Variants in DTNBP1 observed in about 807,000 individuals in gnomAD.
DTNBP1 encodes dystrobrevin binding protein 1.
In DTNBP1, 35 loss-of-function variants were observed where a neutral mutation model predicts 42.8. The observed-to-expected ratio is 0.82, with a 90% confidence interval of 0.63 to 1.09. The LOEUF is 1.09. Among genes scored for constraint, DTNBP1 ranks in the 50% least tolerant of loss-of-function variants. DTNBP1 has a pLI of 0.00. For missense variants in DTNBP1, 457 were observed against 424.2 expected (o/e 1.08, Z -0.68); for synonymous variants, 171 against 162.2 (o/e 1.05, Z -0.41).
In DTNBP1 at chr6:15,557,246, AT is replaced by A. The variant is rs34529397; in HGVS notation, c.512-23852del. Among the ~76,000 whole-genome samples the A allele has an allele frequency of 9.0e-3, 1,212 of 135,032 alleles. 2 individuals are homozygous for A. The highest frequency in any genetic ancestry group is 0.023 in the Middle Eastern group (6 of 262). 88.6% of individuals were successfully genotyped at this position (135,032 alleles called of 152,430 possible). A position where few individuals can be genotyped will look rare whatever the true frequency, so the allele number is the denominator to read the frequency against. ...ACTATAAGAAGGCATGGGGGTGGGA[AT>A]TTTTTTTTTTTTTTTTTTGCCTGGT... On this transcript the variant is annotated intron_variant, in intron 7 of 9. Transcript: ENST00000344537.
At chr6:15,558,383 C>T (rs915911775) in intron 7 of DTNBP1, among the ~76,000 whole-genome samples, 3 of 151,846 alleles carry the variant, frequency 2.0e-5, no homozygotes, top group Non-Finnish European at 4.4e-5. Flanking sequence ...TCTCCTGCCT[C>T]AGCCTCCCAA....
chr6:15,571,273 G>T (rs1277217012), intron 7 of DTNBP1, among the ~76,000 whole-genome samples: 2 of 152,096 alleles, frequency 1.3e-5, no homozygotes, highest in Non-Finnish European at 2.9e-5. Context: ...AACAAAAAGG[G>T]AAAATAAAGC....
intron 5 of DTNBP1, among the ~76,000 whole-genome samples, chr6:15,626,046 G>A (rs1759322781): frequency 6.6e-6 from 1 of 152,184 alleles, no homozygotes; most frequent in African/African-American, 2.4e-5. Flanking sequence ...GGGACTTGAA[G>A]AATACAGTTC....
Position 15,522,830 on chromosome 6 carries a change from T to C in DTNBP1, c.*145A>G, listed in dbSNP as rs1771988047. On this transcript the variant is annotated 3_prime_UTR_variant, in exon 10 of 10. Transcript: ENST00000344537. Reference sequence around the variant, plus strand: ...AGTTTACCGTCCTCACACTTTATTGTTAGCTGTTCTTTAAGTTTCTCACAC... The same window carrying C: ...AGTTTACCGTCCTCACACTTTATTGCTAGCTGTTCTTTAAGTTTCTCACAC... 1 of 1,409,822 alleles carries C rather than the reference T, an allele frequency of 7.1e-7. No homozygotes were observed. Among genetic ancestry groups the C allele is most frequent in the South Asian group, 1.2e-5 (1 of 82,986 alleles). The allele number at this position is 1,409,822 out of a possible 1,614,324, so 87.3% of individuals were successfully genotyped here. A position where few individuals can be genotyped will look rare whatever the true frequency, so the allele number is the denominator to read the frequency against.
At chr6:15,538,821 G>T (rs919007012) in intron 7 of DTNBP1, among the ~76,000 whole-genome samples, 1 of 152,188 alleles carries the variant, frequency 6.6e-6, no homozygotes, top group Non-Finnish European at 1.5e-5. Context: ...GCTACCTTCT[G>T]TCCTGGGATA....
chr6:15,651,661 T>C (rs1761003936), intron 2 of DTNBP1, among the ~76,000 whole-genome samples: 1 of 152,154 alleles, frequency 6.6e-6, no homozygotes, highest in Non-Finnish European at 1.5e-5. Flanking sequence ...GAAAATGAAA[T>C]CTGGTCACAT....
intron 3 of DTNBP1, among the ~76,000 whole-genome samples, chr6:15,648,877 A>G (rs555544156): frequency 6.6e-6 from 1 of 152,230 alleles, no homozygotes; most frequent in South Asian, 2.1e-4. Context: ...TAGAAAATAC[A>G]TCTTAAAATT....
chr6:15,594,065 C>G (rs996829780), intron 6 of DTNBP1, among the ~76,000 whole-genome samples: 6 of 152,204 alleles, frequency 3.9e-5, no homozygotes, highest in Non-Finnish European at 7.3e-5. Context: ...GTTCTTAAAT[C>G]AGATGGTCAT....
intron 7 of DTNBP1, among the ~76,000 whole-genome samples, chr6:15,557,581 G>T (rs1774601708): frequency 6.6e-6 from 1 of 152,116 alleles, no homozygotes; most frequent in Non-Finnish European, 1.5e-5. Flanking sequence ...GTTTTACTAA[G>T]AATTGGGTTT....
At chr6:15,545,588 T>C (rs1773821381) in intron 7 of DTNBP1, among the ~76,000 whole-genome samples, 1 of 148,806 alleles carries the variant, frequency 6.7e-6, no homozygotes, top group African/African-American at 2.5e-5. Context: ...TAGTTAGGAA[T>C]AATGGCAGTT....
chr6:15,600,464 T>C (rs1776685914), intron 6 of DTNBP1, among the ~76,000 whole-genome samples: 1 of 150,448 alleles, frequency 6.6e-6, no homozygotes, highest in Non-Finnish European at 1.5e-5. Flanking sequence ...GCTACTGCTA[T>C]AGTCACCATC....
At chr6:15,594,712 G>A (rs1388198057) in intron 6 of DTNBP1, among the ~76,000 whole-genome samples, 1 of 151,748 alleles carries the variant, frequency 6.6e-6, no homozygotes, top group South Asian at 2.1e-4. Context: ...GCAATTCCCC[G>A]ACGTGGGGAA....
At chr6:15,583,882 T>C (rs1284012119) in intron 7 of DTNBP1, among the ~76,000 whole-genome samples, 1 of 152,188 alleles carries the variant, frequency 6.6e-6, no homozygotes, top group Non-Finnish European at 1.5e-5. Context: ...TGATGCTCTA[T>C]TTTTATGTAG....
intron 3 of DTNBP1, among the ~76,000 whole-genome samples, chr6:15,644,261 T>C (rs934506562): frequency 3.3e-5 from 5 of 150,428 alleles, no homozygotes; most frequent in Non-Finnish European, 5.9e-5. Context: ...TAAATATATA[T>C]GTACCCAACA....
At chr6:15,627,626 T>C in intron 4 of DTNBP1, 151 bp from the exon 5 acceptor site, 1 of 1,251,358 alleles carries the variant, frequency 8.0e-7, no homozygotes, top group African/African-American at 1.5e-5. Context: ...GTTGTTTTCA[T>C]TTTTAGAAAA....
At chr6:15,616,465 G>T (rs1036296663) in intron 5 of DTNBP1, among the ~76,000 whole-genome samples, 1 of 152,182 alleles carries the variant, frequency 6.6e-6, no homozygotes. Flanking sequence ...GGTGCCGAAG[G>T]AACTCAAAGG....
rs540962699 is a variant in DTNBP1 at position 15,607,571 on chromosome 6, G to C, written c.488+7696C>G. Among the ~76,000 whole-genome samples, 130 of 152,222 alleles carry C rather than the reference G, an allele frequency of 8.5e-4. 1 individual carries two copies. The highest frequency in any genetic ancestry group is 1.6e-3 in the Non-Finnish European group (106 of 68,028). On this transcript the variant is annotated intron_variant, in intron 6 of 9. Transcript: ENST00000344537. ...CCCGCCTCAGCCTCCCAAAGTCCTG[G>C]GATTATAGGTGTGAGCCACCGTGCC...
At chr6:15,611,852 T>A (rs756522887) in intron 6 of DTNBP1, among the ~76,000 whole-genome samples, 1 of 152,206 alleles carries the variant, frequency 6.6e-6, no homozygotes, top group East Asian at 1.9e-4. Flanking sequence ...TTCCTATGGA[T>A]GAGCAAAGGA....
At chr6:15,651,431 T>C in intron 2 of DTNBP1, 68 bp from the exon 3 acceptor site, 2 of 1,548,416 alleles carry the variant, frequency 1.3e-6, no homozygotes, top group Non-Finnish European at 1.8e-6. Context: ...AAAAGGTACA[T>C]ACAAGAATTT....
Sources: gnomAD v4.1 joint callset for allele counts (sites outside exome capture counted in the v4.1 genomes callset) on GRCh38, gnomAD v4.1.1 for gene constraint, MANE v1.5 for transcripts, NCBI Gene and HGNC (gene_info 2026-07-23, HGNC 2026-07-21) for gene names.